WAPL: variants seen among roughly 807,000 people sequenced by gnomAD.
The protein encoded by WAPL is WAPL cohesin release factor, also known as wings apart-like protein homolog.
WAPL carries 5 observed loss-of-function variants against 121.0 expected under a neutral mutation model. The observed-to-expected ratio is 0.04, with a 90% CI of 0.02 to 0.09. The LOEUF is 0.09. Among genes scored for constraint, WAPL ranks in the 10% least tolerant of loss-of-function variants. The probability of loss-of-function intolerance (pLI) is 1.00; values close to 1 mark genes in which losing one functional copy is unlikely to be tolerated. For synonymous variants in WAPL, 480 were observed against 481.5 expected, an observed-to-expected ratio of 1.00 and a Z score of 0.04; for missense variants, 999 against 1,410.8, an observed-to-expected ratio of 0.71 and a Z score of 4.68.
intron 2 of WAPL, among the ~76,000 whole-genome samples, chr10:86,513,853 G>A (rs533909568): frequency 2.2e-4 from 33 of 152,146 alleles, no homozygotes; most frequent in East Asian, 9.7e-4. Flanking sequence ...AAGATATGAC[G>A]GAACTTCACC....
chr10:86,496,252 T>G (rs935498684), intron 4 of WAPL, among the ~76,000 whole-genome samples: 3 of 152,084 alleles, frequency 2.0e-5, no homozygotes, highest in Non-Finnish European at 4.4e-5. Flanking sequence ...GAGATACCAC[T>G]TCACACCCAT....
At chr10:86,518,902 A>T (rs1313889584) in intron 1 of WAPL, among the ~76,000 whole-genome samples, 1 of 152,188 alleles carries the variant, frequency 6.6e-6, no homozygotes, top group Non-Finnish European at 1.5e-5. Context: ...TGTGACTTTA[A>T]AAATGTTCCT....
At chr10:86,521,233 A>G in intron 1 of WAPL, 132 bp downstream of exon 1, 1 of 230,540 alleles carries the variant, frequency 4.3e-6, no homozygotes, top group South Asian at 4.6e-5. Flanking sequence ...TCCTCAGGTC[A>G]TTCCCCTGCC....
Position 86,470,976 on chromosome 10 carries a change from G to A in WAPL, c.2142+16C>T. On this transcript the variant is annotated intron_variant, in intron 8 of 18. Transcript: ENST00000298767. The stretch of plus-strand genomic sequence containing the variant: ...TTCAACATAAGGCTTCTCAATCTCA[G>A]AAACTTAAAAAATACCTGATGGTGC... The A allele has an allele frequency of 6.2e-7, 1 of 1,609,272 alleles. No homozygotes were observed. The highest frequency in any genetic ancestry group is 8.5e-7 in the Non-Finnish European group (1 of 1,176,760).
chr10:86,471,028 C>T lies in WAPL; in HGVS notation c.2106G>A (p.Met702Ile). The part of the protein sequence containing the change: ...MHLRAHGMVA[M>I]VFKTLDDSQH... ...GGGAATCATCCAAGGTTTTAAAGAC[C>T]ATTGCTACCATCCCATGTGCTCTCA... is the stretch of plus-strand genomic sequence containing the variant. The change falls in exon 8 of 19, where the codon ATG becomes ATA. Residue 702 changes from methionine to isoleucine, a missense_variant. Physicochemically the swap from Met to Ile is conservative, Grantham distance 10. Around this residue, in one of 7 missense-constraint regions of WAPL, gnomAD observed 118 missense variants for 318.3 expected, o/e 0.37. Transcript: ENST00000298767. 6.2e-7 allele frequency: 1 copy of T among 1,613,822 alleles called. No individual in the cohort carries two copies. Among genetic ancestry groups the T allele is most frequent in the Non-Finnish European group, 8.5e-7 (1 of 1,179,908 alleles).
chr10:86,453,228 G>T lies in WAPL; in HGVS notation c.2941C>A (p.Arg981=). Residue 981 remains arginine, a synonymous_variant, in exon 14 of 19, where the codon CGA becomes AGA. Coordinates refer to ENST00000298767, the MANE Select transcript of WAPL (RefSeq NM_015045.5). Reference sequence around the variant, plus strand: ...AAGTCATTTCAACTTACCAGCACTCGAATATCAAATCTCTGCTCCTGAGGT... The same window carrying T: ...AAGTCATTTCAACTTACCAGCACTCTAATATCAAATCTCTGCTCCTGAGGT... The part of the protein sequence containing the change: ...YLPQEQRFDI[R]VLGLGLLINL... 6.2e-7 allele frequency: 1 copy of T among 1,613,844 alleles called. No homozygotes were observed. The highest frequency in any genetic ancestry group is 1.1e-5 in the South Asian group (1 of 91,040).
At position 86,437,428 on chromosome 10, in the gene WAPL, A is replaced by G; in HGVS notation, c.*115T>C. The stretch of plus-strand genomic sequence containing the variant: ...AGGTGGCCTTAAAAATCCAAACACG[A>G]ATGATACTGATGAATGTTCTTGGTA... On this transcript the variant is annotated 3_prime_UTR_variant, in exon 19 of 19. Coordinates refer to ENST00000298767, the MANE Select transcript of WAPL (RefSeq NM_015045.5). The G allele has an allele frequency of 9.0e-7, 1 of 1,111,400 alleles. No homozygotes were observed. The highest frequency in any genetic ancestry group is 1.3e-6 in the Non-Finnish European group (1 of 792,264). The allele number at this position is 1,111,400 out of a possible 1,614,324, so 68.8% of individuals were successfully genotyped here.
At chr10:86,469,313 C>T (rs777289079) in intron 8 of WAPL, among the ~76,000 whole-genome samples, 1 of 3,152 alleles carries the variant, frequency 3.2e-4, no homozygotes, top group Non-Finnish European at 8.6e-4. Context: ...AGTACAATGG[C>T]ACCATCTCAG....
chr10:86,451,548 A>G (rs1840980569), intron 15 of WAPL, among the ~76,000 whole-genome samples: 2 of 152,024 alleles, frequency 1.3e-5, no homozygotes, highest in Admixed American at 1.3e-4. Flanking sequence ...GCATGCCACC[A>G]TGCCTGGCTA....
At position 86,446,801 on chromosome 10, in the gene WAPL, T is replaced by C. The variant is rs562854323; in HGVS notation, c.3115-352A>G. The stretch of plus-strand genomic sequence containing the variant: ...AATTCCTTGCCTTCACTTACTTTAT[T>C]TTCCCTATGCTGGTATAGTACTGAC... On this transcript the variant is annotated intron_variant, in intron 15 of 18. Transcript: ENST00000298767. Among the ~76,000 whole-genome samples, 7 of 152,326 alleles carry C rather than the reference T, an allele frequency of 4.6e-5. 1 individual carries two copies. The highest frequency in any genetic ancestry group is 4.1e-4 in the South Asian group (2 of 4,830).
intron 4 of WAPL, among the ~76,000 whole-genome samples, chr10:86,493,959 C>T (rs533137982): frequency 7.2e-4 from 110 of 152,246 alleles, no homozygotes; most frequent in African/African-American, 2.4e-3. Flanking sequence ...GCTGAGATTG[C>T]GCCACTGCAC....
chr10:86,438,159 T>C (rs1849371636), intron 17 of WAPL, 144 bp from the exon 18 acceptor site: 3 of 544,982 alleles, frequency 5.5e-6, no homozygotes, highest in Non-Finnish European at 1.0e-5. Flanking sequence ...CTTTCCACAC[T>C]CACTCTGCAT....
chr10:86,466,703 T>C (rs1319888611), intron 9 of WAPL, among the ~76,000 whole-genome samples: 1 of 151,958 alleles, frequency 6.6e-6, no homozygotes, highest in Non-Finnish European at 1.5e-5. Flanking sequence ...ACATGTAGTT[T>C]CTACCTTTTT....
intron 2 of WAPL, among the ~76,000 whole-genome samples, chr10:86,510,753 T>G (rs1453867974): frequency 6.6e-6 from 1 of 152,236 alleles, no homozygotes; most frequent in African/African-American, 2.4e-5. Flanking sequence ...TATACACATA[T>G]GAAAATAAGT....
At chr10:86,490,168 C>T (rs934852683) in intron 4 of WAPL, among the ~76,000 whole-genome samples, 2 of 151,556 alleles carry the variant, frequency 1.3e-5, no homozygotes, top group Non-Finnish European at 1.5e-5. Context: ...GAGCCAAGAT[C>T]GCGTCGCCAC....
chr10:86,520,357 C>T (rs1286040041), intron 1 of WAPL, among the ~76,000 whole-genome samples: 2 of 152,184 alleles, frequency 1.3e-5, no homozygotes, highest in East Asian at 3.9e-4. Context: ...TTTACAAATA[C>T]ATAGTGAAAT....
intron 2 of WAPL, among the ~76,000 whole-genome samples, chr10:86,512,571 G>C (rs1429014004): frequency 6.6e-6 from 1 of 152,216 alleles, no homozygotes; most frequent in Admixed American, 6.5e-5. Context: ...AATACCTGGA[G>C]ATCTCTTAGA....
chr10:86,509,851 A>C (rs1589539913), intron 2 of WAPL, among the ~76,000 whole-genome samples: 1 of 138,252 alleles, frequency 7.2e-6, no homozygotes, highest in African/African-American at 2.7e-5. Context: ...TGCAACCTCC[A>C]CCTCCCGGGT....
Position 86,500,088 on chromosome 10 carries a change from A to G in WAPL, c.1155T>C (p.Thr385=), listed in dbSNP as rs1392804889. 6.2e-7 allele frequency: 1 copy of G among 1,614,096 alleles called. No individual in the cohort carries two copies. Among genetic ancestry groups the G allele is most frequent in the East Asian group, 2.2e-5 (1 of 44,890 alleles). Residue 385 remains threonine, a synonymous_variant, in exon 3 of 19, where the codon ACT becomes ACC. Transcript: ENST00000298767. The part of the protein sequence containing the change: ...DTMERSMDEF[T]ASTPADLGEA... ...CTCCCAAATCTGCAGGAGTGGATGC[A>G]GTGAACTCATCCATGCTGCGTTCCA...
Sources: allele counts gnomAD v4.1 joint callset (sites outside exome capture counted in the v4.1 genomes callset), GRCh38; gene constraint gnomAD v4.1.1; regional missense constraint gnomAD v4.1.1; transcripts MANE v1.5; gene names NCBI Gene and HGNC (gene_info 2026-07-23, HGNC 2026-07-21).